CRISPLD1: variants seen among roughly 807,000 people sequenced by gnomAD.
CRISPLD1 encodes cysteine-rich secretory protein LCCL domain-containing 1.
A neutral mutation model predicts 77.5 loss-of-function variants in CRISPLD1; 60 were observed. That is an observed-to-expected ratio of 0.77 (90% CI 0.63 to 0.96). The LOEUF (loss-of-function observed/expected upper bound fraction) is 0.96, where lower values mean the gene tolerates loss of function less well. CRISPLD1 is among the 40% of genes least tolerant of loss of function. CRISPLD1 has a pLI of 0.00. For synonymous variants in CRISPLD1, 195 were observed against 200.1 expected, an observed-to-expected ratio of 0.97 and a Z score of 0.22; for missense variants, 623 against 615.8, an observed-to-expected ratio of 1.01 and a Z score of -0.12.
chr8:75,029,498 A>G lies in CRISPLD1; in HGVS notation c.1432A>G (p.Asn478Asp). The G allele has an allele frequency of 1.2e-6, 2 of 1,613,726 alleles. No homozygotes were observed. Among genetic ancestry groups the G allele is most frequent in the East Asian group, 4.5e-5 (2 of 44,882 alleles). ...AAAGACCTACATTGCTTCTTTTCAG[A>G]ATGGAATCTTCTCAGAAAGGTAAAA... is the stretch of plus-strand genomic sequence containing the variant. The part of the protein sequence containing the change: ...KRKTYIASFQ[N>D]GIFSESLQNP... The change falls in exon 14 of 15, where the codon AAT becomes GAT. Residue 478 changes from asparagine to aspartate, a missense_variant. Transcript: ENST00000262207.
rs1377705080 is a variant in CRISPLD1, at chr8:75,034,334, T to C, written c.*2092T>C. 2.6e-5 allele frequency: 4 copies of C among 152,126 alleles called. No homozygotes were observed. Among genetic ancestry groups the C allele is most frequent in the Non-Finnish European group, 5.9e-5 (4 of 67,944 alleles). 9.4% of individuals were successfully genotyped at this position (152,126 alleles called of 1,614,324 possible). A position where few individuals can be genotyped will look rare whatever the true frequency, so the allele number is the denominator to read the frequency against. On this transcript the variant is annotated 3_prime_UTR_variant, in exon 15 of 15. Coordinates refer to ENST00000262207, the MANE Select transcript of CRISPLD1 (RefSeq NM_031461.6). ...CCTTAAGATTGCTCTACGAATTAAT[T>C]GACACATTATGTGTGATGTACTTAA...
chr8:74,985,622 A>G lies in CRISPLD1; in HGVS notation c.-62-304A>G, dbSNP rs895934316. 1.1e-4 allele frequency among the ~76,000 whole-genome samples: 17 copies of G among 152,272 alleles called. No individual in the cohort carries two copies. The South Asian group carries it at 2.3e-3, about 20-fold the overall frequency. On this transcript the variant is annotated intron_variant, in intron 1 of 14. Transcript: ENST00000262207. ...AATGTATAGCCACTTAAAGTCTTGCAATTCACATAGTATTTTCAAGCTTTG... is the reference window on the plus strand; with the variant it reads ...AATGTATAGCCACTTAAAGTCTTGCGATTCACATAGTATTTTCAAGCTTTG...
chr8:74,988,107 G>A (rs1338145747), intron 2 of CRISPLD1, among the ~76,000 whole-genome samples: 1 of 152,122 alleles, frequency 6.6e-6, no homozygotes, highest in African/African-American at 2.4e-5. Context: ...GCAGAGAAGT[G>A]CATTGCCCAA....
At chr8:75,020,548 C>A (rs1179126505) in intron 12 of CRISPLD1, among the ~76,000 whole-genome samples, 3 of 152,196 alleles carry the variant, frequency 2.0e-5, no homozygotes, top group African/African-American at 7.2e-5. Flanking sequence ...TCTCTTACAT[C>A]CCTTCTTGTA....
At chr8:75,030,726 C>CTGTGTATATATGTATGAGTG in intron 14 of CRISPLD1, among the ~76,000 whole-genome samples, 1 of 138,024 alleles carries the variant, frequency 7.2e-6, no homozygotes, top group South Asian at 2.3e-4. Context: ...GTGTGTGTGT[C>CTGTGTATATATGTATGAGTG]TGTGTATATA....
chr8:75,030,680 A>ATGTGTGTGTGTGTG (rs34737814), intron 14 of CRISPLD1, among the ~76,000 whole-genome samples: 1 of 146,466 alleles, frequency 6.8e-6, no homozygotes, highest in East Asian at 2.0e-4. Context: ...CCGGAGATAT[A>ATGTGTGTGTGTGTG]TGTGTGTGTG....
chr8:75,013,872 T>G (rs1458150664), intron 4 of CRISPLD1, 115 bp from the exon 5 acceptor site: 3 of 695,604 alleles, frequency 4.3e-6, no homozygotes, highest in South Asian at 3.5e-5. Context: ...CTCAGTTCAT[T>G]TTGAATGATA....
In CRISPLD1 at chr8:75,025,494, G is replaced by A. The variant is rs544838564; in HGVS notation, c.1245-52G>A. ...TATCTGTGGTTTTACTAATAAGAAAGACTTAAGTAACCAGCTTACTTAATA... is the reference window on the plus strand; with the variant it reads ...TATCTGTGGTTTTACTAATAAGAAAAACTTAAGTAACCAGCTTACTTAATA... On this transcript the variant is annotated intron_variant, in intron 12 of 14. Transcript: ENST00000262207. 15 of 722,104 alleles carry A rather than the reference G, an allele frequency of 2.1e-5. No individual in the cohort carries two copies. In the African/African-American group the frequency reaches 2.8e-4, roughly 14 times the overall value. The allele number at this position is 722,104 out of a possible 1,614,324, so 44.7% of individuals were successfully genotyped here. A position where few individuals can be genotyped will look rare whatever the true frequency, so the allele number is the denominator to read the frequency against.
At chr8:75,000,483 G>T (rs1812721835) in intron 2 of CRISPLD1, 1 of 947,826 alleles carries the variant, frequency 1.1e-6, no homozygotes, top group African/African-American at 1.8e-5. Context: ...CGTATGCCTT[G>T]AGATTTTTGA....
chr8:75,032,931 A>C lies in CRISPLD1; in HGVS notation c.*689A>C, dbSNP rs1813377501. Reference sequence around the variant, plus strand: ...TTCCTAGTGATCATGTAGTAAATGTAGGGTTAAGCATGGACAGCCAGAGCT... The same window carrying C: ...TTCCTAGTGATCATGTAGTAAATGTCGGGTTAAGCATGGACAGCCAGAGCT... On this transcript the variant is annotated 3_prime_UTR_variant, in exon 15 of 15. Transcript: ENST00000262207. The C allele has an allele frequency of 6.6e-6, 1 of 151,900 alleles. No individual in the cohort carries two copies. The highest frequency in any genetic ancestry group is 2.4e-5 in the African/African-American group (1 of 41,436). The allele number at this position is 151,900 out of a possible 1,614,324, so 9.4% of individuals were successfully genotyped here.
intron 6 of CRISPLD1, 49 bp downstream of exon 6, chr8:75,014,961 A>C: frequency 7.9e-7 from 1 of 1,265,818 alleles, no homozygotes; most frequent in Non-Finnish European, 1.1e-6. Context: ...ATTTTAATCC[A>C]GCTCCTGCAT....
At chr8:75,023,789 TGC>T (rs5892479) in intron 12 of CRISPLD1, among the ~76,000 whole-genome samples, 53,156 of 151,260 alleles carry the variant, frequency 0.35, 10,018 homozygotes, top group African/African-American at 0.51. Flanking sequence ...TAGTGATGAG[TGC>T]GTGTGTGTGT....
intron 13 of CRISPLD1, chr8:75,026,607 G>A (rs1813240666): frequency 6.6e-6 from 1 of 152,306 alleles, no homozygotes; most frequent in South Asian, 2.1e-4. Context: ...ATGAGTTTAC[G>A]TTTTATGAGG....
rs1812489258 is a variant in CRISPLD1, at chr8:74,985,995, G to T, written c.8G>T (p.Cys3Phe). 6.2e-7 allele frequency: 1 copy of T among 1,613,408 alleles called. No individual in the cohort carries two copies. Among genetic ancestry groups the T allele is most frequent in the Admixed American group, 1.7e-5 (1 of 59,990 alleles). ...ATCCTGAGGTCATTCATTATGAAGTGTACCGCGCGGGAGTGGCTCAGAGTA... is the reference window on the plus strand; with the variant it reads ...ATCCTGAGGTCATTCATTATGAAGTTTACCGCGCGGGAGTGGCTCAGAGTA... MK[C>F]TAREWLRVTT... is the part of the protein sequence containing the mutation. The change falls in exon 2 of 15, where the codon TGT (cysteine) becomes TTT (phenylalanine). Residue 3 changes from cysteine (C) to phenylalanine (F), a missense_variant. By Grantham distance (205) the Cys-to-Phe change is radical (BLOSUM62 -2). Coordinates refer to ENST00000262207, the MANE Select transcript of CRISPLD1 (RefSeq NM_031461.6).
At chr8:75,017,001 T>C (rs368635431) in intron 8 of CRISPLD1, 46 bp from the exon 9 acceptor site, 1 of 1,571,012 alleles carries the variant, frequency 6.4e-7, no homozygotes, top group Non-Finnish European at 8.7e-7. Flanking sequence ...TATTTTGTAC[T>C]GACATTCAGA....
intron 2 of CRISPLD1, among the ~76,000 whole-genome samples, chr8:74,989,131 T>C (rs1587003089): frequency 2.0e-5 from 3 of 151,938 alleles, no homozygotes; most frequent in East Asian, 3.9e-4. Context: ...AAGAGAAAAA[T>C]GCAGGGTGGC....
At chr8:75,023,296 T>C (rs1813172144) in intron 12 of CRISPLD1, among the ~76,000 whole-genome samples, 1 of 152,200 alleles carries the variant, frequency 6.6e-6, no homozygotes, top group South Asian at 2.1e-4. Context: ...TTGCAGAGCA[T>C]GCAGAGCAAG....
At chr8:75,000,652 G>T (rs997123843) in intron 2 of CRISPLD1, among the ~76,000 whole-genome samples, 32 of 152,070 alleles carry the variant, frequency 2.1e-4, no homozygotes, top group African/African-American at 7.7e-4. Context: ...AGAGTTAGGT[G>T]CCCCCAGACT....
intron 2 of CRISPLD1, among the ~76,000 whole-genome samples, chr8:74,988,938 C>T (rs1812533857): frequency 6.6e-6 from 1 of 152,154 alleles, no homozygotes; most frequent in Non-Finnish European, 1.5e-5. Context: ...TGCTCATAAG[C>T]AAGGACACAA....
Sources: gnomAD v4.1 joint callset for allele counts (sites outside exome capture counted in the v4.1 genomes callset) on GRCh38, gnomAD v4.1.1 for gene constraint, MANE v1.5 for transcripts, NCBI Gene and HGNC (gene_info 2026-07-23, HGNC 2026-07-21) for gene names.